The following SHANK2 variants were observed in gnomAD, a reference collection of about 807,000 sequenced individuals.
SHANK2 encodes SH3 and multiple ankyrin repeat domains 2.
SHANK2 carries 43 observed loss-of-function variants against 133.7 expected under a neutral mutation model. The ratio of observed to expected loss-of-function variants is 0.32; its 90% CI spans 0.25 to 0.41. The LOEUF (loss-of-function observed/expected upper bound fraction) is 0.41. SHANK2 is among the 10% of genes least tolerant of loss of function. The pLI, the probability that SHANK2 is intolerant of heterozygous loss-of-function variation, is 1.00. For missense variants in SHANK2, 1,994 were observed against 2,235.8 expected, an observed-to-expected ratio of 0.89 and a Z score of 2.18; for synonymous variants, 1,017 against 952.8, an observed-to-expected ratio of 1.07 and a Z score of -1.24.
chr11:71,126,353 A>G (rs1183638134), intron 3 of SHANK2, among the ~76,000 whole-genome samples: 1 of 152,056 alleles, frequency 6.6e-6, no homozygotes, highest in East Asian at 1.9e-4. Flanking sequence ...CACTGTTGAG[A>G]CCTAATGCTC....
intron 6 of SHANK2, among the ~76,000 whole-genome samples, chr11:71,095,439 T>C (rs782657668): frequency 6.6e-6 from 1 of 152,220 alleles, no homozygotes; most frequent in Non-Finnish European, 1.5e-5. Flanking sequence ...CAAGAGGAAC[T>C]ACTTTGAGGT....
chr11:70,509,881 C>G (rs1320899106), intron 17 of SHANK2, among the ~76,000 whole-genome samples: 1 of 152,242 alleles, frequency 6.6e-6, no homozygotes, highest in Non-Finnish European at 1.5e-5. Context: ...GACTTCTGGT[C>G]TCCCGAGCTG....
chr11:70,611,369 T>C (rs2060655009), intron 17 of SHANK2, among the ~76,000 whole-genome samples: 1 of 152,068 alleles, frequency 6.6e-6, no homozygotes, highest in Non-Finnish European at 1.5e-5. Context: ...GCATTACCCG[T>C]TCCTCGACAG....
chr11:70,504,919 T>G (rs1393661639), intron 17 of SHANK2, among the ~76,000 whole-genome samples: 1 of 152,032 alleles, frequency 6.6e-6, no homozygotes, highest in African/African-American at 2.4e-5. Context: ...TAGTGGCTGT[T>G]GCTCATTCAT....
chr11:70,893,694 A>T (rs541646481), intron 11 of SHANK2, among the ~76,000 whole-genome samples: 6 of 152,222 alleles, frequency 3.9e-5, no homozygotes, highest in Non-Finnish European at 7.3e-5. Flanking sequence ...AAGGAACCGC[A>T]TGGGCAAGTA....
chr11:71,086,153 A>ATGTT (rs1951407172), intron 8 of SHANK2, among the ~76,000 whole-genome samples: 1 of 12,872 alleles, frequency 7.8e-5, no homozygotes, highest in African/African-American at 1.6e-4. Flanking sequence ...TATGTTATAT[A>ATGTT]ATATATTAAA....
intron 14 of SHANK2, chr11:70,705,386 A>G (rs1161068209): frequency 1.3e-5 from 2 of 152,196 alleles, no homozygotes; most frequent in Non-Finnish European, 2.9e-5. Context: ...TTCTGTCACC[A>G]GCAACCAAAA....
At chr11:71,073,136 C>CTTTTCTTTTTTTTTTTT (rs1951164763) in intron 9 of SHANK2, among the ~76,000 whole-genome samples, 5 of 72,336 alleles carry the variant, frequency 6.9e-5, no homozygotes, top group Admixed American at 1.5e-4. Flanking sequence ...TGTTTTTTTT[C>CTTTTCTTTTTTTTTTTT]TTTTTCTTTT....
At chr11:70,599,905 G>GAAAGAGAAAGAAAGAAAGAA (rs1466206835) in intron 17 of SHANK2, among the ~76,000 whole-genome samples, 3 of 73,778 alleles carry the variant, frequency 4.1e-5, no homozygotes, top group Admixed American at 1.6e-4. Context: ...AAGAAAGAAA[G>GAAAGAGAAAGAAAGAAAGAA]AGAAAGAAAG....
chr11:70,692,330 T>A (rs1372506898), intron 15 of SHANK2, among the ~76,000 whole-genome samples: 1 of 152,200 alleles, frequency 6.6e-6, no homozygotes, highest in African/African-American at 2.4e-5. Context: ...CACATGCCTC[T>A]TAGGAGCTGC....
chr11:70,747,900 CAT>C (rs1447976516), intron 14 of SHANK2, among the ~76,000 whole-genome samples: 2 of 152,122 alleles, frequency 1.3e-5, no homozygotes, highest in Non-Finnish European at 2.9e-5. Context: ...ATAGCACACA[CAT>C]GAGCATACGT....
intron 14 of SHANK2, among the ~76,000 whole-genome samples, chr11:70,708,528 G>T (rs1945713624): frequency 6.6e-6 from 1 of 152,334 alleles, no homozygotes. Flanking sequence ...TCAAAGGGCA[G>T]TGACAATGAC....
At chr11:70,887,531 A>C (rs1211290949) in intron 11 of SHANK2, among the ~76,000 whole-genome samples, 3 of 151,994 alleles carry the variant, frequency 2.0e-5, no homozygotes, top group Non-Finnish European at 4.4e-5. Flanking sequence ...ACCTCAGAGC[A>C]CCCATTCATC....
rs77721039 is a variant in SHANK2, at chr11:70,730,422, G to A, written c.1778-31659C>T. ...AAATAGATGCCCAGGACTCACCCCC[G>A]AAGCCCATCCCTATAAAGCTGTGCA... On this transcript the variant is annotated intron_variant, in intron 14 of 25. Transcript: ENST00000601538. Among the ~76,000 whole-genome samples, 77 of 152,020 alleles carry A rather than the reference G, an allele frequency of 5.1e-4. No homozygotes were observed. The East Asian group carries it at 0.012, about 23-fold the overall frequency.
chr11:71,090,625 CTGTGTGTGTGTGTGTGTGTGTGTG>C (rs782587800), intron 8 of SHANK2, among the ~76,000 whole-genome samples: 3 of 102,896 alleles, frequency 2.9e-5, no homozygotes, highest in Non-Finnish European at 6.3e-5. Flanking sequence ...AACACAACCT[CTGTGTGTGTGTGTGTGTGTGTGTG>C]TGTGTGTGTG....
rs781788716 is a variant in SHANK2, at chr11:70,614,316, TG to T, written c.2061+45511del. Among the ~76,000 whole-genome samples the T allele has an allele frequency of 5.4e-5, 8 of 149,196 alleles. 1 individual carries two copies. Among genetic ancestry groups the T allele is most frequent in the Non-Finnish European group, 8.9e-5 (6 of 67,142 alleles). On this transcript the variant is annotated intron_variant, in intron 17 of 25. Transcript: ENST00000601538. ...TTTAAGCCAGACAGTCTGTGGGTTT[TG>T]TTTTTTTTTTTGAGACAGAGTCTCC...
At chr11:71,204,504 G>A (rs538789201) in intron 2 of SHANK2, among the ~76,000 whole-genome samples, 22 of 152,266 alleles carry the variant, frequency 1.4e-4, no homozygotes, top group South Asian at 2.1e-4. Flanking sequence ...ACAGGGTGCC[G>A]CTTGCTCACC....
intron 25 of SHANK2, among the ~76,000 whole-genome samples, chr11:70,483,668 A>C (rs1188589354): frequency 6.6e-6 from 1 of 152,038 alleles, no homozygotes; most frequent in African/African-American, 2.4e-5. Flanking sequence ...GGCTGCAATG[A>C]GCCGTGATCA....
chr11:71,160,214 G>A (rs1335471321), intron 2 of SHANK2, among the ~76,000 whole-genome samples: 1 of 152,150 alleles, frequency 6.6e-6, no homozygotes, highest in Non-Finnish European at 1.5e-5. Flanking sequence ...ATGGGGAAGG[G>A]AATGCAAAGT....
Sources: gnomAD v4.1 joint callset for allele counts (sites outside exome capture counted in the v4.1 genomes callset) on GRCh38, gnomAD v4.1.1 for gene constraint, MANE v1.5 for transcripts, NCBI Gene and HGNC (gene_info 2026-07-23, HGNC 2026-07-21) for gene names.